Variants in GRM7 observed in about 807,000 individuals in gnomAD.
GRM7 encodes glutamate metabotropic receptor 7.
A neutral mutation model predicts 84.5 loss-of-function variants in GRM7; 35 were observed. The observed-to-expected ratio is 0.41, with a 90% confidence interval of 0.32 to 0.55. The LOEUF is 0.55. GRM7 is among the 20% of genes least tolerant of loss of function. The pLI is 0.19. For synonymous variants in GRM7, 487 were observed against 455.1 expected, an observed-to-expected ratio of 1.07 and a Z score of -0.89; for missense variants, 1,003 against 1,194.6, an observed-to-expected ratio of 0.84 and a Z score of 2.36.
rs886389806 is a variant in GRM7 at position 7,459,301 on chromosome 3, A to C, written c.1376-2282A>C. Among the ~76,000 whole-genome samples, 4 of 152,150 alleles carry C rather than the reference A, an allele frequency of 2.6e-5. No homozygotes were observed. The East Asian group carries it at 7.7e-4, about 29-fold the overall frequency. Reference sequence around the variant, plus strand: ...AAAAAAATGTTTATAGTGATGGAGAAATTTAAATTAGATACCAGTTAAGTA... The same window carrying C: ...AAAAAAATGTTTATAGTGATGGAGACATTTAAATTAGATACCAGTTAAGTA... On this transcript the variant is annotated intron_variant, in intron 6 of 9. Coordinates refer to ENST00000357716, the MANE Select transcript of GRM7 (RefSeq NM_000844.4).
chr3:6,923,118 G>A (rs1575018798), intron 1 of GRM7, among the ~76,000 whole-genome samples: 1 of 151,894 alleles, frequency 6.6e-6, no homozygotes, highest in Non-Finnish European at 1.5e-5. Flanking sequence ...GGACTCAAGC[G>A]ATTCTCCCAC....
intron 1 of GRM7, among the ~76,000 whole-genome samples, chr3:6,902,200 A>G (rs764941224): frequency 6.6e-6 from 1 of 152,184 alleles, no homozygotes; most frequent in Admixed American, 6.6e-5. Flanking sequence ...CTTCTAATAC[A>G]TGGCATTGCC....
At chr3:7,498,826 T>G (rs1699789343) in intron 7 of GRM7, among the ~76,000 whole-genome samples, 1 of 152,154 alleles carries the variant, frequency 6.6e-6, no homozygotes. Context: ...CTGTTCTGAT[T>G]AACTTAAAGC....
chr3:6,914,691 G>A (rs1000000224), intron 1 of GRM7, among the ~76,000 whole-genome samples: 9 of 151,896 alleles, frequency 5.9e-5, no homozygotes, highest in African/African-American at 1.2e-4. Context: ...GTGAGCCACC[G>A]TGCCCGGCCC....
At chr3:7,375,548 T>A (rs1694316972) in intron 4 of GRM7, among the ~76,000 whole-genome samples, 1 of 152,064 alleles carries the variant, frequency 6.6e-6, no homozygotes, top group African/African-American at 2.4e-5. Context: ...CTTCTCTGAA[T>A]TTACTCTTGG....
At chr3:7,145,487 C>G (rs1194649379) in intron 1 of GRM7, among the ~76,000 whole-genome samples, 1 of 152,136 alleles carries the variant, frequency 6.6e-6, no homozygotes, top group East Asian at 1.9e-4. Context: ...AAATCCCAGG[C>G]AGACATTTTT....
intron 1 of GRM7, among the ~76,000 whole-genome samples, chr3:7,129,917 T>C (rs917017198): frequency 5.9e-5 from 9 of 152,226 alleles, no homozygotes; most frequent in Non-Finnish European, 1.2e-4. Flanking sequence ...CTTTAAAATT[T>C]TGAAATCACA....
chr3:7,474,751 G>A (rs772112144), intron 7 of GRM7, among the ~76,000 whole-genome samples: 12 of 152,042 alleles, frequency 7.9e-5, no homozygotes, highest in African/African-American at 1.9e-4. Flanking sequence ...ATGATGTCAC[G>A]TTTACAGTAT....
At chr3:7,440,458 T>C (rs1697240342) in intron 5 of GRM7, among the ~76,000 whole-genome samples, 1 of 152,192 alleles carries the variant, frequency 6.6e-6, no homozygotes, top group African/African-American at 2.4e-5. Flanking sequence ...AATATACCCA[T>C]AAGACATACA....
At chr3:7,417,292 A>G (rs1035927921) in intron 5 of GRM7, among the ~76,000 whole-genome samples, 1 of 152,024 alleles carries the variant, frequency 6.6e-6, no homozygotes, top group African/African-American at 2.4e-5. Context: ...GAGCTGTACC[A>G]TATGGAATGG....
chr3:7,204,099 T>C (rs1385279776), intron 2 of GRM7, among the ~76,000 whole-genome samples: 1 of 152,208 alleles, frequency 6.6e-6, no homozygotes, highest in Non-Finnish European at 1.5e-5. Flanking sequence ...ATAGTATTGC[T>C]TCAGTTAAAA....
chr3:7,610,676 C>T (rs915531706), intron 8 of GRM7, among the ~76,000 whole-genome samples: 2 of 152,140 alleles, frequency 1.3e-5, no homozygotes, highest in Non-Finnish European at 2.9e-5. Context: ...AAGGAAGCAT[C>T]TTGGGATTTT....
intron 4 of GRM7, among the ~76,000 whole-genome samples, chr3:7,343,092 G>A (rs1460543403): frequency 6.6e-6 from 1 of 152,140 alleles, no homozygotes; most frequent in Non-Finnish European, 1.5e-5. Flanking sequence ...GTACATGGCA[G>A]CTACCCAAAT....
intron 1 of GRM7, among the ~76,000 whole-genome samples, chr3:7,116,868 C>T (rs1431860917): frequency 1.3e-5 from 2 of 152,082 alleles, no homozygotes; most frequent in African/African-American, 4.8e-5. Context: ...TCTCAGTGTT[C>T]AAGTTTCAAT....
chr3:6,988,229 T>A (rs1694500316), intron 1 of GRM7, among the ~76,000 whole-genome samples: 2 of 145,292 alleles, frequency 1.4e-5, no homozygotes, highest in Admixed American at 7.0e-5. Flanking sequence ...CAGGATGGTC[T>A]CGATCTCCTG....
At chr3:7,715,312 A>C (rs1701736442) in intron 9 of GRM7, among the ~76,000 whole-genome samples, 1 of 152,108 alleles carries the variant, frequency 6.6e-6, no homozygotes, top group African/African-American at 2.4e-5. Context: ...TAAAAAATAA[A>C]TGAATAAAAA....
At position 7,064,517 on chromosome 3, in the gene GRM7, TACAC is replaced by T. The variant is rs564968527; in HGVS notation, c.520-81924_520-81921del. ...ATATATATATACACATATATATATA[TACAC>T]ACACACACACGCATCCATCATGTAT... On this transcript the variant is annotated intron_variant, in intron 1 of 9. Coordinates refer to ENST00000357716, the MANE Select transcript of GRM7 (RefSeq NM_000844.4). Among the ~76,000 whole-genome samples the T allele has an allele frequency of 5.2e-3, 583 of 111,882 alleles. 6 individuals carry two copies. The highest frequency in any genetic ancestry group is 7.3e-3 in the Non-Finnish European group (399 of 54,898). The allele number at this position is 111,882 out of a possible 152,430, so 73.4% of individuals were successfully genotyped here. A position where few individuals can be genotyped will look rare whatever the true frequency, so the allele number is the denominator to read the frequency against.
intron 1 of GRM7, among the ~76,000 whole-genome samples, chr3:6,945,904 G>T (rs182936205): frequency 0.02 from 3,037 of 151,954 alleles, 117 homozygotes; most frequent in African/African-American, 0.07. Context: ...ACTTTTTGGT[G>T]GGGTTGTTTT....
chr3:7,037,057 T>G (rs1371422750), intron 1 of GRM7, among the ~76,000 whole-genome samples: 2 of 152,212 alleles, frequency 1.3e-5, no homozygotes, highest in East Asian at 3.9e-4. Context: ...TTATTAATGT[T>G]TCTAATAATA....
Sources: allele counts gnomAD v4.1 joint callset (sites outside exome capture counted in the v4.1 genomes callset), GRCh38; gene constraint gnomAD v4.1.1; transcripts MANE v1.5; gene names NCBI Gene and HGNC (gene_info 2026-07-23, HGNC 2026-07-21).